CDC5L: variants seen among roughly 807,000 people sequenced by gnomAD.
The protein encoded by CDC5L is cell division cycle 5 like.
Under a neutral mutation model 104.1 loss-of-function variants are expected in CDC5L, and 18 were observed. The observed-to-expected ratio is 0.17, with a 90% confidence interval of 0.12 to 0.26. The LOEUF is 0.26. CDC5L is among the 10% of genes least tolerant of loss of function. The pLI is 1.00. For synonymous variants in CDC5L, 331 were observed against 322.7 expected, an observed-to-expected ratio of 1.03 and a Z score of -0.28; for missense variants, 673 against 956.9, an observed-to-expected ratio of 0.70 and a Z score of 3.91.
chr6:44,411,940 C>T (rs533397389), intron 8 of CDC5L, among the ~76,000 whole-genome samples: 18 of 152,224 alleles, frequency 1.2e-4, no homozygotes, highest in Admixed American at 6.5e-4. Flanking sequence ...TAAGCCTGTT[C>T]GGACAGACTG....
At chr6:44,406,093 G>T (rs1280284886) in intron 6 of CDC5L, among the ~76,000 whole-genome samples, 1 of 152,018 alleles carries the variant, frequency 6.6e-6, no homozygotes, top group African/African-American at 2.4e-5. Flanking sequence ...GTAGAGATGG[G>T]GTTTCGCCAC....
rs111483845 is a variant in CDC5L at position 44,445,602 on chromosome 6, T to G, written c.2092-53T>G. 2.1e-5 allele frequency: 29 copies of G among 1,354,428 alleles called. 1 individual carries two copies. The African/African-American group carries it at 2.2e-4, about 10-fold the overall frequency. 83.9% of individuals were successfully genotyped at this position (1,354,428 alleles called of 1,614,324 possible). On this transcript the variant is annotated intron_variant, in intron 14 of 15. Transcript: ENST00000371477. Reference sequence around the variant, plus strand: ...CATGGTACCTTTTTAGCCCTGTTATTTAATAGCCTGCTTTTCTCATGTATG... The same window carrying G: ...CATGGTACCTTTTTAGCCCTGTTATGTAATAGCCTGCTTTTCTCATGTATG...
At chr6:44,407,136 T>G (rs1791406997) in intron 7 of CDC5L, among the ~76,000 whole-genome samples, 1 of 152,172 alleles carries the variant, frequency 6.6e-6, no homozygotes, top group African/African-American at 2.4e-5. Context: ...TGGTTTGGCT[T>G]TGTGGACTTT....
chr6:44,421,664 A>G (rs1792180839), intron 9 of CDC5L, among the ~76,000 whole-genome samples: 1 of 152,274 alleles, frequency 6.6e-6, no homozygotes. Flanking sequence ...ACAGTACAAC[A>G]ATAACAAATA....
At chr6:44,404,805 A>G (rs566202536) in intron 6 of CDC5L, among the ~76,000 whole-genome samples, 3 of 152,060 alleles carry the variant, frequency 2.0e-5, no homozygotes, top group Admixed American at 1.3e-4. Flanking sequence ...CAGTCCTTCC[A>G]CCTCAACCTC....
chr6:44,434,589 G>A (rs1300099160), intron 14 of CDC5L, among the ~76,000 whole-genome samples: 1 of 152,106 alleles, frequency 6.6e-6, no homozygotes, highest in Non-Finnish European at 1.5e-5. Flanking sequence ...TTTATTTTGG[G>A]TATCCTTAAA....
In CDC5L at chr6:44,403,830, A is replaced by G; in HGVS notation, c.561A>G (p.Lys187=). The G allele has an allele frequency of 6.2e-7, 1 of 1,608,864 alleles. No homozygotes were observed. Among genetic ancestry groups the G allele is most frequent in the Non-Finnish European group, 8.5e-7 (1 of 1,178,840 alleles). Residue 187 remains lysine, a synonymous_variant, in exon 6 of 16, where the codon AAA becomes AAG. Coordinates refer to ENST00000371477, the MANE Select transcript of CDC5L (RefSeq NM_001253.4). The part of the protein sequence containing the change: ...EEARRLAALQ[K]RRELRAAGIE... ...TCAGACGTCTTGCTGCCCTCCAAAA[A>G]AGAAGAGAACTTCGAGCAGCTGGCA...
chr6:44,406,383 T>A lies in CDC5L; in HGVS notation c.819T>A (p.Ser273=), dbSNP rs1791365271. The A allele has an allele frequency of 1.2e-6, 2 of 1,606,230 alleles. No individual in the cohort carries two copies. The highest frequency in any genetic ancestry group is 1.7e-6 in the Non-Finnish European group (2 of 1,173,544). ...DKQHLKRKKE[S]DLPSAILQTS... is the part of the protein sequence containing the mutation. ...AGCATTTGAAAAGGAAAAAAGAATCTGATTTACCATCAGCTATTCTTCAAA... is the reference window on the plus strand; with the variant it reads ...AGCATTTGAAAAGGAAAAAAGAATCAGATTTACCATCAGCTATTCTTCAAA... Residue 273 remains serine, a synonymous_variant, in exon 7 of 16, where the codon TCT becomes TCA. Transcript: ENST00000371477.
At chr6:44,412,732 T>C (rs1040635201) in intron 8 of CDC5L, among the ~76,000 whole-genome samples, 3 of 151,840 alleles carry the variant, frequency 2.0e-5, no homozygotes, top group African/African-American at 7.3e-5. Flanking sequence ...ATTTTTACTG[T>C]ATTTACCGAG....
Position 44,406,378 on chromosome 6 carries a change from G to T in CDC5L, c.814G>T (p.Glu272Ter). Reference sequence around the variant, plus strand: ...CAAACAGCATTTGAAAAGGAAAAAAGAATCTGATTTACCATCAGCTATTCT... The same window carrying T: ...CAAACAGCATTTGAAAAGGAAAAAATAATCTGATTTACCATCAGCTATTCT... ...KDKQHLKRKK[E>*]SDLPSAILQT... Residue 272 changes from glutamate to a stop codon, truncating the protein, a stop_gained, in exon 7 of 16, where the codon GAA (glutamate) becomes TAA (stop). Transcript: ENST00000371477. LOFTEE classifies it high-confidence loss of function. 1 of 1,606,966 alleles carries T rather than the reference G, an allele frequency of 6.2e-7. No homozygotes were observed. The highest frequency in any genetic ancestry group is 8.5e-7 in the Non-Finnish European group (1 of 1,174,348).
chr6:44,442,949 CT>C (rs1329040082), intron 14 of CDC5L, among the ~76,000 whole-genome samples: 1 of 152,004 alleles, frequency 6.6e-6, no homozygotes. Flanking sequence ...TTGAAAAAGT[CT>C]TTATCATCCA....
Position 44,412,868 on chromosome 6 carries a change from C to T in CDC5L, c.1092+4236C>T, listed in dbSNP as rs1172896764. On this transcript the variant is annotated intron_variant, in intron 8 of 15. Coordinates refer to ENST00000371477, the MANE Select transcript of CDC5L (RefSeq NM_001253.4). ...CGGGATCTCGGCTCACTGCAAGCTC[C>T]GCCTCCCGGGTTCACGCCATTCTCC... Among the ~76,000 whole-genome samples the T allele has an allele frequency of 4.8e-5, 7 of 147,060 alleles. No homozygotes were observed. In the South Asian group the frequency reaches 8.8e-4, roughly 18 times the overall value.
At chr6:44,406,941 CA>C (rs200358565) in intron 7 of CDC5L, among the ~76,000 whole-genome samples, 6 of 150,960 alleles carry the variant, frequency 4.0e-5, no homozygotes, top group Non-Finnish European at 4.4e-5. Flanking sequence ...CAAAAAAAAA[CA>C]AAAAAAACCC....
At chr6:44,416,364 T>C (rs10807300) in intron 8 of CDC5L, among the ~76,000 whole-genome samples, 1 of 151,932 alleles carries the variant, frequency 6.6e-6, no homozygotes, top group Non-Finnish European at 1.5e-5. Flanking sequence ...CACTACTGTT[T>C]CTGTGAGTTT....
At chr6:44,419,652 C>G (rs758887325) in intron 9 of CDC5L, 55 bp downstream of exon 9, 1 of 1,380,174 alleles carries the variant, frequency 7.2e-7, no homozygotes, top group African/African-American at 1.4e-5. Flanking sequence ...AAGGACTTAG[C>G]ATATTTGCTT....
rs770405474 is a variant in CDC5L, at chr6:44,387,916, G to T, written c.45+48G>T. 12 of 1,542,144 alleles carry T rather than the reference G, an allele frequency of 7.8e-6. No homozygotes were observed. In the South Asian group the frequency reaches 1.4e-4, roughly 18 times the overall value. ...CCGCTGCCCGCCGCTCCCTCTAGCA[G>T]CTTGTGCGCACGCGCGCGGAGGTCG... On this transcript the variant is annotated intron_variant, in intron 1 of 15. Coordinates refer to ENST00000371477, the MANE Select transcript of CDC5L (RefSeq NM_001253.4).
At chr6:44,416,043 C>G (rs192789091) in intron 8 of CDC5L, among the ~76,000 whole-genome samples, 1 of 152,268 alleles carries the variant, frequency 6.6e-6, no homozygotes, top group East Asian at 1.9e-4. Flanking sequence ...GGCGGTACCT[C>G]TGGCTGCTGT....
At chr6:44,396,977 C>T (rs1481411317) in intron 5 of CDC5L, among the ~76,000 whole-genome samples, 1 of 152,192 alleles carries the variant, frequency 6.6e-6, no homozygotes, top group African/African-American at 2.4e-5. Context: ...CGGAAGCCCC[C>T]ATGTATTTGG....
intron 8 of CDC5L, among the ~76,000 whole-genome samples, chr6:44,418,325 CTCA>C (rs1432845137): frequency 1.3e-5 from 2 of 152,148 alleles, no homozygotes; most frequent in African/African-American, 4.8e-5. Flanking sequence ...AGGACATGAA[CTCA>C]TCATTTTTTA....
Sources: gnomAD v4.1 joint callset for allele counts (sites outside exome capture counted in the v4.1 genomes callset) on GRCh38, gnomAD v4.1.1 for gene constraint, MANE v1.5 for transcripts, NCBI Gene and HGNC (gene_info 2026-07-23, HGNC 2026-07-21) for gene names.